The following RAPGEF4 variants were observed in gnomAD, a reference collection of about 807,000 sequenced individuals.
The protein encoded by RAPGEF4 is Rap guanine nucleotide exchange factor 4.
RAPGEF4 carries 66 observed loss-of-function variants against 147.9 expected under a neutral mutation model. That is an observed-to-expected ratio of 0.45 (90% CI 0.37 to 0.55). RAPGEF4 has a LOEUF of 0.55. Among genes scored for constraint, RAPGEF4 ranks in the 20% least tolerant of loss-of-function variants. The pLI, the probability that RAPGEF4 is intolerant of heterozygous loss-of-function variation, is 0.00. For synonymous variants in RAPGEF4, 419 were observed against 442.7 expected, an observed-to-expected ratio of 0.95 and a Z score of 0.67; for missense variants, 1,071 against 1,257.3, an observed-to-expected ratio of 0.85 and a Z score of 2.24.
At chr2:172,764,321 C>T (rs1382780689) in intron 1 of RAPGEF4, among the ~76,000 whole-genome samples, 3 of 151,872 alleles carry the variant, frequency 2.0e-5, no homozygotes, top group Non-Finnish European at 4.4e-5. Context: ...CACCATTAAA[C>T]ATGCCTTATC....
At chr2:172,931,181 G>GGGT (rs1553533484) in intron 6 of RAPGEF4, among the ~76,000 whole-genome samples, 1 of 104,024 alleles carries the variant, frequency 9.6e-6, no homozygotes, top group Non-Finnish European at 2.1e-5. Flanking sequence ...GTGGGGGGGG[G>GGGT]GGGCGCTGGG....
chr2:172,794,601 T>C (rs1316195892), intron 1 of RAPGEF4, among the ~76,000 whole-genome samples: 1 of 152,208 alleles, frequency 6.6e-6, no homozygotes, highest in Non-Finnish European at 1.5e-5. Flanking sequence ...GATTTCAGTG[T>C]TGTTTTCTTA....
intron 4 of RAPGEF4, among the ~76,000 whole-genome samples, chr2:172,916,703 A>T (rs1317002143): frequency 1.3e-5 from 2 of 152,224 alleles, no homozygotes; most frequent in Non-Finnish European, 2.9e-5. Context: ...AGCTAGTTAC[A>T]TCTTGACTAG....
chr2:173,020,090 AT>A (rs1324314005), intron 22 of RAPGEF4, among the ~76,000 whole-genome samples: 1 of 152,106 alleles, frequency 6.6e-6, no homozygotes, highest in Non-Finnish European at 1.5e-5. Flanking sequence ...TAATTTTTTA[AT>A]TTTTTTGACA....
intron 3 of RAPGEF4, among the ~76,000 whole-genome samples, chr2:172,804,219 C>T (rs141989823): frequency 6.6e-6 from 1 of 152,218 alleles, no homozygotes; most frequent in East Asian, 1.9e-4. Flanking sequence ...TTCTATTTGA[C>T]TCAAATTCAT....
At chr2:172,845,717 C>T (rs541614017) in intron 4 of RAPGEF4, among the ~76,000 whole-genome samples, 2 of 152,292 alleles carry the variant, frequency 1.3e-5, no homozygotes, top group South Asian at 4.1e-4. Context: ...CCATTTTAAC[C>T]ATTTTAGATA....
At chr2:172,850,660 A>C (rs1270830002) in intron 4 of RAPGEF4, among the ~76,000 whole-genome samples, 1 of 152,152 alleles carries the variant, frequency 6.6e-6, no homozygotes, top group Admixed American at 6.5e-5. Context: ...ATGCAAGTAA[A>C]TTTTATATAA....
At chr2:172,814,683 A>G (rs963480919) in intron 4 of RAPGEF4, 3 of 467,708 alleles carry the variant, frequency 6.4e-6, no homozygotes, top group African/African-American at 2.0e-5. Context: ...TTGAATGACC[A>G]TAGAGTGTTT....
At chr2:172,987,790 T>A (rs1027625186) in intron 12 of RAPGEF4, among the ~76,000 whole-genome samples, 1 of 152,146 alleles carries the variant, frequency 6.6e-6, no homozygotes, top group Non-Finnish European at 1.5e-5. Flanking sequence ...AAGGGACAAG[T>A]GTGTGTAGGT....
chr2:172,744,730 G>A (rs1273476682), intron 1 of RAPGEF4, among the ~76,000 whole-genome samples: 7 of 152,100 alleles, frequency 4.6e-5, no homozygotes, highest in Non-Finnish European at 1.0e-4. Context: ...TTGAATAGAA[G>A]GGGTGAGAAT....
At chr2:172,989,499 T>A (rs1692613353) in intron 14 of RAPGEF4, among the ~76,000 whole-genome samples, 1 of 152,194 alleles carries the variant, frequency 6.6e-6, no homozygotes, top group African/African-American at 2.4e-5. Flanking sequence ...AAGTTGGCTC[T>A]GCAGATGAGC....
rs890258247 is a variant in RAPGEF4, at chr2:172,788,781, C to A, written c.66-6244C>A. Reference sequence around the variant, plus strand: ...TGGTGATGCACACCTGTAGTCCCAGCTACTTGGGATGCTGAGGTGGAAGGA... The same window carrying A: ...TGGTGATGCACACCTGTAGTCCCAGATACTTGGGATGCTGAGGTGGAAGGA... On this transcript the variant is annotated intron_variant, in intron 1 of 30. Coordinates refer to ENST00000397081, the MANE Select transcript of RAPGEF4 (RefSeq NM_007023.4). 7.2e-5 allele frequency among the ~76,000 whole-genome samples: 11 copies of A among 152,090 alleles called. No homozygotes were observed. The South Asian group carries it at 2.1e-3, about 29-fold the overall frequency.
At chr2:172,971,730 C>G (rs1214242233) in intron 10 of RAPGEF4, among the ~76,000 whole-genome samples, 1 of 151,854 alleles carries the variant, frequency 6.6e-6, no homozygotes, top group East Asian at 1.9e-4. Flanking sequence ...CAGTCCAACT[C>G]TACATGCACG....
At chr2:172,750,515 C>T (rs955722374) in intron 1 of RAPGEF4, among the ~76,000 whole-genome samples, 11 of 152,058 alleles carry the variant, frequency 7.2e-5, no homozygotes, top group African/African-American at 1.2e-4. Context: ...TGCCAGGTCC[C>T]GTCCCGCAAC....
chr2:172,831,368 A>G (rs182908783), intron 4 of RAPGEF4, among the ~76,000 whole-genome samples: 1 of 138,952 alleles, frequency 7.2e-6, no homozygotes, highest in Non-Finnish European at 1.5e-5. Flanking sequence ...TCCCGGGTTC[A>G]AGCAATTCTC....
chr2:172,935,019 A>C (rs921392171), intron 6 of RAPGEF4, among the ~76,000 whole-genome samples: 5 of 152,182 alleles, frequency 3.3e-5, no homozygotes, highest in African/African-American at 1.2e-4. Context: ...ACTACAAAAA[A>C]TACAAAAATT....
In RAPGEF4 at chr2:172,843,311, A is replaced by G. The variant is rs546778856; in HGVS notation, c.444+28886A>G. 7.2e-5 allele frequency among the ~76,000 whole-genome samples: 11 copies of G among 152,336 alleles called. No homozygotes were observed. In the South Asian group the frequency reaches 1.9e-3, roughly 26 times the overall value. Reference sequence around the variant, plus strand: ...TCACTGTTATGAGCTAAGTAAAAATATAGGCTCTATCCTTAAAGAGATGGG... The same window carrying G: ...TCACTGTTATGAGCTAAGTAAAAATGTAGGCTCTATCCTTAAAGAGATGGG... On this transcript the variant is annotated intron_variant, in intron 4 of 30. Transcript: ENST00000397081.
chr2:172,780,927 C>T (rs757394744), intron 1 of RAPGEF4, among the ~76,000 whole-genome samples: 3 of 152,122 alleles, frequency 2.0e-5, no homozygotes, highest in Non-Finnish European at 4.4e-5. Flanking sequence ...TACTGTGTAT[C>T]TTTACACATT....
At chr2:172,762,231 G>A (rs1288568719) in intron 1 of RAPGEF4, among the ~76,000 whole-genome samples, 2 of 152,206 alleles carry the variant, frequency 1.3e-5, no homozygotes, top group African/African-American at 4.8e-5. Context: ...CAAGAACGAT[G>A]TTAGTTGGTG....
Sources: gnomAD v4.1 joint callset for allele counts (sites outside exome capture counted in the v4.1 genomes callset) on GRCh38, gnomAD v4.1.1 for gene constraint, MANE v1.5 for transcripts, NCBI Gene and HGNC (gene_info 2026-07-23, HGNC 2026-07-21) for gene names.